RAB3IP: variants seen among roughly 807,000 people sequenced by gnomAD.
RAB3IP encodes the protein RAB3A interacting protein.
A neutral mutation model predicts 59.1 loss-of-function variants in RAB3IP; 36 were observed. The observed-to-expected ratio is 0.61, with a 90% CI of 0.47 to 0.80. RAB3IP has a LOEUF of 0.80. Among genes scored for constraint, RAB3IP ranks in the 30% least tolerant of loss-of-function variants. The pLI is 0.00. For missense variants in RAB3IP, 511 were observed against 536.0 expected (o/e 0.95, Z 0.46); for synonymous variants, 207 against 191.2 (o/e 1.08, Z -0.68).
intron 5 of RAB3IP, among the ~76,000 whole-genome samples, 192 bp downstream of exon 5, chr12:69,794,706 G>A (rs1296553590): frequency 6.6e-6 from 1 of 152,172 alleles, no homozygotes; most frequent in Non-Finnish European, 1.5e-5. Context: ...CCATTTATAT[G>A]AGAACCAAAT....
intron 8 of RAB3IP, among the ~76,000 whole-genome samples, chr12:69,806,570 GTTTTTTTTTT>G (rs35262716): frequency 2.9e-5 from 2 of 68,488 alleles, no homozygotes; most frequent in African/African-American, 1.3e-4. Flanking sequence ...TGCTTCTCTA[GTTTTTTTTTT>G]TTTTTTTTTT....
At chr12:69,793,051 C>A (rs933873977) in intron 4 of RAB3IP, among the ~76,000 whole-genome samples, 1 of 152,040 alleles carries the variant, frequency 6.6e-6, no homozygotes, top group Non-Finnish European at 1.5e-5. Flanking sequence ...TAAAACATTG[C>A]CAGATAGTTT....
chr12:69,763,961 A>G (rs1184553688), intron 3 of RAB3IP, among the ~76,000 whole-genome samples: 1 of 152,186 alleles, frequency 6.6e-6, no homozygotes, highest in African/African-American at 2.4e-5. Context: ...ATGGCTATAT[A>G]ATATTCCTTG....
At position 69,816,832 on chromosome 12, in the gene RAB3IP, G is replaced by A. The variant is rs910669552; in HGVS notation, c.*1386G>A. On this transcript the variant is annotated 3_prime_UTR_variant, in exon 11 of 11. Transcript: ENST00000247833. ...TTTTTTCAGTCCTGTTCAGAGGTTTGGTCAATCTTACCTGTAGATGACTTC... is the reference window on the plus strand; with the variant it reads ...TTTTTTCAGTCCTGTTCAGAGGTTTAGTCAATCTTACCTGTAGATGACTTC... The A allele has an allele frequency of 6.6e-6, 1 of 152,128 alleles. No homozygotes were observed. The highest frequency in any genetic ancestry group is 1.9e-4 in the East Asian group (1 of 5,194). 9.4% of individuals were successfully genotyped at this position (152,128 alleles called of 1,614,324 possible). A position where few individuals can be genotyped will look rare whatever the true frequency, so the allele number is the denominator to read the frequency against.
chr12:69,809,002 C>T (rs1441422225), intron 8 of RAB3IP, among the ~76,000 whole-genome samples: 1 of 151,798 alleles, frequency 6.6e-6, no homozygotes, highest in African/African-American at 2.4e-5. Flanking sequence ...CCTTGATGGT[C>T]TTTACAATTT....
rs574381023 is a variant in RAB3IP, at chr12:69,815,449, C to T, written c.*3C>T. 1,799 of 1,601,534 alleles carry T rather than the reference C, an allele frequency of 1.1e-3. 35 individuals are homozygous for T. In the South Asian group the frequency reaches 0.018, roughly 16 times the overall value. ...GTTATTTCAAAGAGGAACTCTGATG[C>T]TCTGCGTGGGACCATGCCTGAACTC... On this transcript the variant is annotated 3_prime_UTR_variant, in exon 11 of 11. Coordinates refer to ENST00000247833, the MANE Select transcript of RAB3IP (RefSeq NM_022456.5).
Position 69,801,702 on chromosome 12 carries a change from G to A in RAB3IP, c.1111G>A (p.Val371Ile), listed in dbSNP as rs774822874. Residue 371 changes from valine (V) to isoleucine (I), a missense_variant, in exon 8 of 11, where the codon GTT (valine) becomes ATT (isoleucine). Coordinates refer to ENST00000247833, the MANE Select transcript of RAB3IP (RefSeq NM_022456.5). Reference protein sequence around the residue: ...QPIRFVKASAVECGGPKKCAL... With the variant: ...QPIRFVKASAIECGGPKKCAL... ...TATCCGGTTTGTGAAAGCTTCTGCA[G>A]TTGAATGCGGAGGACCAAAGTAGGT... 6.2e-7 allele frequency: 1 copy of A among 1,611,316 alleles called. No homozygotes were observed. Among genetic ancestry groups the A allele is most frequent in the Admixed American group, 1.7e-5 (1 of 59,908 alleles).
chr12:69,781,294 C>G (rs1208046344), intron 3 of RAB3IP, among the ~76,000 whole-genome samples: 2 of 152,100 alleles, frequency 1.3e-5, no homozygotes, highest in Non-Finnish European at 2.9e-5. Context: ...CTTGCTGTCT[C>G]CACACACGCA....
Position 69,794,512 on chromosome 12 carries a change from A to G in RAB3IP, c.682A>G (p.Lys228Glu). The stretch of plus-strand genomic sequence containing the variant: ...AAAACAGCTAAAAGAAGCACAAGGA[A>G]AAGTGAGTTTTTGCAGCTCTTAATA... ...AEKQLKEAQG[K>E]IDVLQAEVAA... Residue 228 changes from lysine to glutamate, a missense_variant and splice_region_variant, in exon 5 of 11, where the codon AAA becomes GAA. Transcript: ENST00000247833. 6.2e-7 allele frequency: 1 copy of G among 1,611,598 alleles called. No individual in the cohort carries two copies. The highest frequency in any genetic ancestry group is 2.2e-5 in the East Asian group (1 of 44,786).
Position 69,815,398 on chromosome 12 carries a change from A to G in RAB3IP, c.1335A>G (p.Arg445=), listed in dbSNP as rs371149433. 37 of 1,612,942 alleles carry G rather than the reference A, an allele frequency of 2.3e-5. No individual in the cohort carries two copies. Among genetic ancestry groups the G allele is most frequent in the African/African-American group, 8.0e-5 (6 of 74,894 alleles). Residue 445 remains arginine, a synonymous_variant, in exon 11 of 11, where the codon AGA becomes AGG. Coordinates refer to ENST00000247833, the MANE Select transcript of RAB3IP (RefSeq NM_022456.5). The stretch of plus-strand genomic sequence containing the variant: ...TGTTTTGGGAGGTTATGCAGTTGAG[A>G]AAAGAGATGTCATTGGCAAAGCTGG... The part of the protein sequence containing the change: ...DQMFWEVMQL[R]KEMSLAKLGY...
chr12:69,762,756 C>CAAAAAAAAAAAA (rs11445702), intron 3 of RAB3IP, among the ~76,000 whole-genome samples: 2 of 76,752 alleles, frequency 2.6e-5, no homozygotes, highest in Non-Finnish European at 4.5e-5. Context: ...GACTCCGTCT[C>CAAAAAAAAAAAA]AAAAAAAAAA....
chr12:69,758,513 C>T (rs547365131), intron 3 of RAB3IP, among the ~76,000 whole-genome samples: 11 of 152,128 alleles, frequency 7.2e-5, no homozygotes, highest in East Asian at 3.9e-4. Flanking sequence ...CTCTACCTTC[C>T]GGTGATATAT....
intron 3 of RAB3IP, among the ~76,000 whole-genome samples, chr12:69,761,352 T>A (rs533592881): frequency 2.0e-5 from 3 of 152,352 alleles, no homozygotes; most frequent in Admixed American, 6.5e-5. Flanking sequence ...CTGGGGCAGA[T>A]CTGGGGTGCA....
In RAB3IP at chr12:69,795,694, T is replaced by C. The variant is rs1023119764; in HGVS notation, c.888+350T>C. 1.9e-5 allele frequency: 7 copies of C among 367,912 alleles called. No individual in the cohort carries two copies. The East Asian group carries it at 2.8e-4, about 15-fold the overall frequency. 22.8% of individuals were successfully genotyped at this position (367,912 alleles called of 1,614,324 possible). Reference sequence around the variant, plus strand: ...TTACAAAGTATGGATATAAGAAATATGTGAAAATAAGATGATTTTCTTAAA... The same window carrying C: ...TTACAAAGTATGGATATAAGAAATACGTGAAAATAAGATGATTTTCTTAAA... On this transcript the variant is annotated intron_variant, in intron 6 of 10. Transcript: ENST00000247833.
In RAB3IP at chr12:69,794,450, T is replaced by C. The variant is rs1244142792; in HGVS notation, c.620T>C (p.Met207Thr). 1.2e-6 allele frequency: 2 copies of C among 1,611,578 alleles called. No individual in the cohort carries two copies. Among genetic ancestry groups the C allele is most frequent in the Non-Finnish European group, 1.7e-6 (2 of 1,178,948 alleles). The stretch of plus-strand genomic sequence containing the variant: ...TAACTTTTTCAGGAAGCTCATAAAA[T>C]GGTGAGAGAAGCAAATATCAAGCAG... ...TASLFEEAHK[M>T]VREANIKQAT... The change falls in exon 5 of 11, where the codon ATG becomes ACG. Residue 207 changes from methionine (M) to threonine (T), a missense_variant. By Grantham distance (81) the Met-to-Thr change is moderately conservative. Coordinates refer to ENST00000247833, the MANE Select transcript of RAB3IP (RefSeq NM_022456.5).
At chr12:69,742,812 T>TG (rs1197176329) in intron 1 of RAB3IP, among the ~76,000 whole-genome samples, 1 of 152,198 alleles carries the variant, frequency 6.6e-6, no homozygotes, top group Admixed American at 6.5e-5. Context: ...TACCACTAAA[T>TG]GAGGTAGTTT....
intron 6 of RAB3IP, chr12:69,796,679 T>C (rs1029705682): frequency 6.8e-6 from 4 of 591,428 alleles, no homozygotes; most frequent in South Asian, 4.2e-5. Flanking sequence ...TAAATCTGAA[T>C]GTAACCAAAT....
intron 1 of RAB3IP, among the ~76,000 whole-genome samples, chr12:69,741,578 G>A (rs565729718): frequency 1.3e-5 from 2 of 152,316 alleles, no homozygotes; most frequent in South Asian, 4.1e-4. Context: ...CTTATCAAGC[G>A]AAGTCCTGGT....
intron 4 of RAB3IP, among the ~76,000 whole-genome samples, chr12:69,791,608 C>T (rs993416536): frequency 4.6e-5 from 7 of 152,192 alleles, no homozygotes; most frequent in East Asian, 1.9e-4. Flanking sequence ...CAGTCACTCC[C>T]CAATGAGATA....
Sources: gnomAD v4.1 joint callset for allele counts (sites outside exome capture counted in the v4.1 genomes callset) on GRCh38, gnomAD v4.1.1 for gene constraint, MANE v1.5 for transcripts, NCBI Gene and HGNC (gene_info 2026-07-23, HGNC 2026-07-21) for gene names.